RBFOX1: variants seen among roughly 807,000 people sequenced by gnomAD.
RBFOX1 encodes RNA binding protein fox-1 homolog 1.
RBFOX1 carries 8 observed loss-of-function variants against 57.7 expected under a neutral mutation model. The ratio of observed to expected loss-of-function variants is 0.14; its 90% CI spans 0.08 to 0.25. The LOEUF is 0.25. RBFOX1 is among the 10% of genes least tolerant of loss of function. The pLI is 1.00. For missense variants in RBFOX1, 611 were observed against 548.5 expected (o/e 1.11, Z -1.14); for synonymous variants, 326 against 222.4 (o/e 1.47, Z -4.15).
chr16:7,026,416 G>C (rs576708984), intron 3 of RBFOX1, among the ~76,000 whole-genome samples: 2 of 152,256 alleles, frequency 1.3e-5, no homozygotes, highest in African/African-American at 4.8e-5. Flanking sequence ...GAACAGTTGA[G>C]GGCAGCACTT....
chr16:7,083,206 A>G (rs908947580), intron 4 of RBFOX1, among the ~76,000 whole-genome samples: 3 of 152,098 alleles, frequency 2.0e-5, no homozygotes, highest in Admixed American at 6.6e-5. Flanking sequence ...GGAATGTTCC[A>G]TTCCGTCTGT....
intron 4 of RBFOX1, among the ~76,000 whole-genome samples, chr16:5,916,292 TC>T (rs1245974283): frequency 2.6e-5 from 4 of 152,272 alleles, no homozygotes; most frequent in African/African-American, 9.6e-5. Flanking sequence ...TATTCTTAAT[TC>T]CCCCCTCCTT....
intron 5 of RBFOX1, among the ~76,000 whole-genome samples, chr16:7,567,124 C>T (rs2091872872): frequency 7.2e-6 from 1 of 138,378 alleles, no homozygotes; most frequent in Non-Finnish European, 1.6e-5. Flanking sequence ...TATATATCTC[C>T]CTATATATGT....
chr16:5,290,347 CTCTA>C lies in RBFOX1; in HGVS notation c.219+50246_219+50249del, dbSNP rs2063503263. Among the ~76,000 whole-genome samples the C allele has an allele frequency of 2.0e-5, 3 of 152,114 alleles. No homozygotes were observed. The South Asian group carries it at 6.2e-4, about 32-fold the overall frequency. The stretch of plus-strand genomic sequence containing the variant: ...ACTGCACTCCAGCCTGTGACAGAGA[CTCTA>C]TCTCAAAAAAAGTAGATTGTCAGGG... On this transcript the variant is annotated intron_variant, in intron 1 of 2. Coordinates refer to the RBFOX1 transcript ENST00000585867.
At chr16:5,968,273 C>G (rs983293787) in intron 4 of RBFOX1, among the ~76,000 whole-genome samples, 1 of 152,048 alleles carries the variant, frequency 6.6e-6, no homozygotes, top group Non-Finnish European at 1.5e-5. Flanking sequence ...TGGGGTTTCA[C>G]CATGTTGGCC....
chr16:5,724,335 C>T (rs1194504576), intron 3 of RBFOX1, among the ~76,000 whole-genome samples: 1 of 152,190 alleles, frequency 6.6e-6, no homozygotes, highest in East Asian at 1.9e-4. Context: ...GCTGCTTTCA[C>T]TGCCATTTGG....
intron 3 of RBFOX1, among the ~76,000 whole-genome samples, chr16:5,866,376 G>A (rs959010912): frequency 6.6e-6 from 1 of 152,230 alleles, no homozygotes. Flanking sequence ...TACAATCACA[G>A]TGGGGGTTAG....
At chr16:6,594,555 A>G (rs2097758416) in intron 2 of RBFOX1, among the ~76,000 whole-genome samples, 1 of 152,160 alleles carries the variant, frequency 6.6e-6, no homozygotes, top group African/African-American at 2.4e-5. Context: ...TCAAGAATCT[A>G]GGTTTTTAAT....
At chr16:5,637,741 C>T (rs1481683457) in intron 3 of RBFOX1, among the ~76,000 whole-genome samples, 1 of 152,076 alleles carries the variant, frequency 6.6e-6, no homozygotes, top group Non-Finnish European at 1.5e-5. Flanking sequence ...TGTGTATATC[C>T]AGGCAACAGG....
At chr16:7,692,081 C>G (rs1022219961) in intron 14 of RBFOX1, among the ~76,000 whole-genome samples, 6 of 152,200 alleles carry the variant, frequency 3.9e-5, no homozygotes, top group Admixed American at 2.6e-4. Context: ...GCTCCTCTAA[C>G]ATAGGGAATC....
intron 3 of RBFOX1, among the ~76,000 whole-genome samples, chr16:6,997,988 A>G (rs2092414803): frequency 6.7e-6 from 1 of 150,222 alleles, no homozygotes; most frequent in Admixed American, 6.6e-5. Flanking sequence ...CAGTCCTAGC[A>G]AAGTAAAAAA....
chr16:6,542,745 GC>G (rs1169055529), intron 2 of RBFOX1, among the ~76,000 whole-genome samples: 5 of 151,802 alleles, frequency 3.3e-5, no homozygotes, highest in African/African-American at 4.8e-5. Context: ...GCCTGCCTCG[GC>G]CCCCAGAAGT....
intron 3 of RBFOX1, among the ~76,000 whole-genome samples, chr16:5,654,658 A>G (rs2151375006): frequency 6.6e-6 from 1 of 152,002 alleles, no homozygotes; most frequent in East Asian, 1.9e-4. Flanking sequence ...CTCATTCACA[A>G]CCTGGCATGA....
At chr16:5,420,274 A>T (rs2067276944) in intron 1 of RBFOX1, among the ~76,000 whole-genome samples, 1 of 152,182 alleles carries the variant, frequency 6.6e-6, no homozygotes, top group South Asian at 2.1e-4. Flanking sequence ...TGTTTTAGGT[A>T]ACCAGGGAAT....
intron 14 of RBFOX1, among the ~76,000 whole-genome samples, chr16:7,702,140 C>A (rs932927771): frequency 6.6e-6 from 1 of 152,144 alleles, no homozygotes; most frequent in African/African-American, 2.4e-5. Flanking sequence ...GGGATTAGCC[C>A]AGACCTTACA....
chr16:7,280,038 G>C (rs1471078602), intron 4 of RBFOX1, among the ~76,000 whole-genome samples: 2 of 152,214 alleles, frequency 1.3e-5, no homozygotes, highest in Non-Finnish European at 2.9e-5. Flanking sequence ...AAGGTGTTTG[G>C]TTCCCGCTGC....
intron 3 of RBFOX1, among the ~76,000 whole-genome samples, chr16:6,803,021 T>A (rs757066437): frequency 6.6e-5 from 10 of 152,210 alleles, no homozygotes; most frequent in Admixed American, 5.9e-4. Flanking sequence ...GCCTTGCTAC[T>A]AGGAAAAGGG....
intron 3 of RBFOX1, among the ~76,000 whole-genome samples, chr16:6,887,173 A>G (rs995232062): frequency 1.3e-5 from 2 of 152,134 alleles, no homozygotes; most frequent in Admixed American, 6.5e-5. Context: ...TATTGTTGGT[A>G]TACTCTTTAG....
intron 3 of RBFOX1, among the ~76,000 whole-genome samples, chr16:5,792,616 G>T (rs1420113942): frequency 6.6e-6 from 1 of 152,222 alleles, no homozygotes; most frequent in Non-Finnish European, 1.5e-5. Context: ...GCTGAGGTGG[G>T]TGGATCACCT....
Sources: gnomAD v4.1 joint callset for allele counts (sites outside exome capture counted in the v4.1 genomes callset) on GRCh38, gnomAD v4.1.1 for gene constraint, MANE v1.5 for transcripts, NCBI Gene and HGNC (gene_info 2026-07-23, HGNC 2026-07-21) for gene names.